The following SH3BP4 variants were observed in gnomAD, a reference collection of about 807,000 sequenced individuals.
SH3BP4 encodes the protein SH3 domain binding protein 4, also known as SH3 domain-binding protein 4.
A neutral mutation model predicts 65.5 loss-of-function variants in SH3BP4; 33 were observed. The ratio of observed to expected loss-of-function variants is 0.50; its 90% CI spans 0.38 to 0.67. SH3BP4 has a LOEUF of 0.67. Among genes scored for constraint, SH3BP4 ranks in the 30% least tolerant of loss-of-function variants. The probability of loss-of-function intolerance (pLI) is 0.00; values close to 1 mark genes in which losing one functional copy is unlikely to be tolerated. For missense variants in SH3BP4, 1,134 were observed against 1,261.4 expected (o/e 0.90, Z 1.53); for synonymous variants, 552 against 545.5 (o/e 1.01, Z -0.17).
At chr2:235,006,939 C>A (rs1325342995) in intron 2 of SH3BP4, among the ~76,000 whole-genome samples, 1 of 152,154 alleles carries the variant, frequency 6.6e-6, no homozygotes, top group African/African-American at 2.4e-5. Flanking sequence ...TGTCCTTAGA[C>A]AAGTTCATTC....
In SH3BP4 at chr2:234,995,294, G is replaced by C. The variant is rs951027417; in HGVS notation, c.-206-9G>C. 6.6e-6 allele frequency: 1 copy of C among 152,324 alleles called. No homozygotes were observed. Among genetic ancestry groups the C allele is most frequent in the Non-Finnish European group, 1.5e-5 (1 of 68,140 alleles). 9.4% of individuals were successfully genotyped at this position (152,324 alleles called of 1,614,324 possible). On this transcript the variant is annotated splice_polypyrimidine_tract_variant and intron_variant, in intron 1 of 5. Coordinates refer to ENST00000392011, the MANE Select transcript of SH3BP4 (RefSeq NM_014521.3). ...TGAAGCTCACTCGTGTTTCCTTCTT[G>C]TCTTGCAGCGTCTCCCTTCTCTCCT... is the stretch of plus-strand genomic sequence containing the variant.
At position 234,976,770 on chromosome 2, in the gene SH3BP4, G is replaced by A. The variant is rs114426876; in HGVS notation, c.-206-18533G>A. 0.038 allele frequency among the ~76,000 whole-genome samples: 5,841 copies of A among 152,300 alleles called. 128 individuals carry two copies. The highest frequency in any genetic ancestry group is 0.051 in the Middle Eastern group (15 of 294). On this transcript the variant is annotated intron_variant, in intron 1 of 5. Transcript: ENST00000392011. This position sits in a 1 kb window ranked among gnomAD's most constrained non-coding sequence, Gnocchi z 4.7. Reference sequence around the variant, plus strand: ...GGAGAAAAACCCCCAGCCGAGGGGCGTCTTACAGAATACCTAACCAGGCCT... The same window carrying A: ...GGAGAAAAACCCCCAGCCGAGGGGCATCTTACAGAATACCTAACCAGGCCT...
Position 235,034,326 on chromosome 2 carries a change from A to T in SH3BP4, c.-132-545A>T, listed in dbSNP as rs1482189587. Among the ~76,000 whole-genome samples the T allele has an allele frequency of 6.6e-6, 1 of 152,000 alleles. No individual in the cohort carries two copies. Among genetic ancestry groups the T allele is most frequent in the Admixed American group, 6.6e-5 (1 of 15,264 alleles). Reference sequence around the variant, plus strand: ...CTCTGTGTTGTGTTTAGAATTGTTTATTTGGGGTGCAGGGGGATTTCAGGA... The same window carrying T: ...CTCTGTGTTGTGTTTAGAATTGTTTTTTTGGGGTGCAGGGGGATTTCAGGA... On this transcript the variant is annotated intron_variant, in intron 2 of 5. Transcript: ENST00000392011. The surrounding 1 kb of genome is among the most constrained non-coding windows in gnomAD (Gnocchi z 6.2).
chr2:234,987,595 C>A lies in SH3BP4; in HGVS notation c.-206-7708C>A, dbSNP rs552012814. Among the ~76,000 whole-genome samples, 29 of 152,328 alleles carry A rather than the reference C, an allele frequency of 1.9e-4. No individual in the cohort carries two copies. In the South Asian group the frequency reaches 2.5e-3, roughly 13 times the overall value. On this transcript the variant is annotated intron_variant, in intron 1 of 5. Coordinates refer to ENST00000392011, the MANE Select transcript of SH3BP4 (RefSeq NM_014521.3). ...ACATGGGCGGCTCATGGTGTCCCCC[C>A]ACTTATTCATGCGAGAGAGTTCCGA...
intron 1 of SH3BP4, among the ~76,000 whole-genome samples, chr2:234,958,430 G>C (rs1053569844): frequency 6.6e-6 from 1 of 152,080 alleles, no homozygotes; most frequent in African/African-American, 2.4e-5. Flanking sequence ...GCCCTGGGGG[G>C]GTGTCTGGGG....
intron 1 of SH3BP4, among the ~76,000 whole-genome samples, chr2:234,965,005 G>A (rs545518326): frequency 4.6e-5 from 7 of 152,216 alleles, no homozygotes; most frequent in Non-Finnish European, 7.4e-5. Flanking sequence ...CAGTGCTCCC[G>A]TGACCCACAT....
chr2:234,975,445 G>A (rs1426318754), intron 1 of SH3BP4, among the ~76,000 whole-genome samples: 1 of 152,164 alleles, frequency 6.6e-6, no homozygotes, highest in Non-Finnish European at 1.5e-5. Flanking sequence ...ATCGTCTAAT[G>A]TGGCTTTAAC....
At chr2:235,027,071 C>A (rs779488326) in intron 2 of SH3BP4, among the ~76,000 whole-genome samples, 2 of 152,212 alleles carry the variant, frequency 1.3e-5, no homozygotes, top group Non-Finnish European at 2.9e-5. Flanking sequence ...GCTAAGGTGG[C>A]GGGAAAGGTT....
chr2:234,973,821 T>C (rs984653702), intron 1 of SH3BP4, among the ~76,000 whole-genome samples: 3 of 152,018 alleles, frequency 2.0e-5, no homozygotes, highest in African/African-American at 7.2e-5. Context: ...ACTGTTTTTG[T>C]AGAGAGTTTC....
At chr2:234,971,052 A>C (rs1224513948) in intron 1 of SH3BP4, among the ~76,000 whole-genome samples, 1 of 152,178 alleles carries the variant, frequency 6.6e-6, no homozygotes. Context: ...CATAATATAA[A>C]TGTTATCATC....
At position 234,952,369 on chromosome 2, in the gene SH3BP4, C is replaced by G. The variant is rs1366952947; in HGVS notation, c.-207+199C>G. Among the ~76,000 whole-genome samples the G allele has an allele frequency of 3.3e-5, 5 of 151,098 alleles. No individual in the cohort carries two copies. Among genetic ancestry groups the G allele is most frequent in the South Asian group, 4.1e-4 (2 of 4,830 alleles). On this transcript the variant is annotated intron_variant, in intron 1 of 5. Transcript: ENST00000392011. The surrounding 1 kb of genome is among the most constrained non-coding windows in gnomAD (Gnocchi z 6.5). ...GGCTTCGGGGAAGCCTCGCGCGCCC[C>G]TCGCCGCTCCCCCGGGCGCTCGGGT...
rs1368935144 is a variant in SH3BP4, at chr2:235,041,925, G to C, written c.1156G>C (p.Glu386Gln). ...GCTGGAGGTCAAGCTGAGCAACCTGGAGGTGAAAACCTCTATCATCTTGGA... is the reference window on the plus strand; with the variant it reads ...GCTGGAGGTCAAGCTGAGCAACCTGCAGGTGAAAACCTCTATCATCTTGGA... ...PVLEVKLSNL[E>Q]VKTSIILEMK... The change falls in exon 4 of 6, where the codon GAG (glutamate) becomes CAG (glutamine). Residue 386 changes from glutamate to glutamine, a missense_variant. Glu to Gln is a conservative substitution (Grantham distance 29, BLOSUM62 2). Coordinates refer to ENST00000392011, the MANE Select transcript of SH3BP4 (RefSeq NM_014521.3). This position sits in a 1 kb window ranked among gnomAD's most constrained non-coding sequence, Gnocchi z 6.0. 6 of 1,613,500 alleles carry C rather than the reference G, an allele frequency of 3.7e-6. No individual in the cohort carries two copies. Among genetic ancestry groups the C allele is most frequent in the Non-Finnish European group, 5.1e-6 (6 of 1,179,788 alleles).
In SH3BP4 at chr2:235,042,909, G is replaced by A. The variant is rs763161380; in HGVS notation, c.2140G>A (p.Val714Met). The A allele has an allele frequency of 4.3e-6, 7 of 1,613,322 alleles. No homozygotes were observed. The highest frequency in any genetic ancestry group is 3.3e-5 in the Admixed American group (2 of 60,018). The change falls in exon 4 of 6, where the codon GTG (valine) becomes ATG (methionine). Residue 714 changes from valine to methionine, a missense_variant. Physicochemically the swap from Val to Met is conservative, Grantham distance 21. Transcript: ENST00000392011. The surrounding 1 kb of genome is among the most constrained non-coding windows in gnomAD (Gnocchi z 7.3). ...IGYYQGRVGL[V>M]HTKNVLVVGR... Reference sequence around the variant, plus strand: ...CTACTACCAGGGCAGGGTGGGCCTCGTGCACACCAAGAACGTGCTGGTGGT... The same window carrying A: ...CTACTACCAGGGCAGGGTGGGCCTCATGCACACCAAGAACGTGCTGGTGGT...
At chr2:235,020,976 A>C (rs1288309814) in intron 2 of SH3BP4, among the ~76,000 whole-genome samples, 6 of 152,154 alleles carry the variant, frequency 3.9e-5, no homozygotes, top group Non-Finnish European at 5.9e-5. Context: ...TATTTTTTAT[A>C]AATACATTTT....
intron 3 of SH3BP4, among the ~76,000 whole-genome samples, chr2:235,038,724 C>T (rs1248916096): frequency 6.6e-6 from 1 of 151,816 alleles, no homozygotes; most frequent in Non-Finnish European, 1.5e-5. Flanking sequence ...GCTCTGTCCC[C>T]CACATATAGG....
chr2:234,998,559 G>A (rs756062757), intron 2 of SH3BP4, among the ~76,000 whole-genome samples: 19 of 152,214 alleles, frequency 1.2e-4, no homozygotes, highest in Non-Finnish European at 2.5e-4. Flanking sequence ...TTGTTTGTTG[G>A]TTTTGGTTTC....
intron 1 of SH3BP4, among the ~76,000 whole-genome samples, chr2:234,953,967 G>C (rs1039190383): frequency 9.9e-5 from 15 of 151,708 alleles, no homozygotes; most frequent in African/African-American, 3.6e-4. Flanking sequence ...ATTTAGGCGG[G>C]ACCCCAGATT....
intron 1 of SH3BP4, among the ~76,000 whole-genome samples, chr2:234,985,010 G>A (rs1449419431): frequency 6.6e-6 from 1 of 152,208 alleles, no homozygotes; most frequent in Non-Finnish European, 1.5e-5. Flanking sequence ...TGGAGGCCAG[G>A]AGGCGGGGGC....
At chr2:235,039,974 C>T (rs1362421658) in intron 3 of SH3BP4, among the ~76,000 whole-genome samples, 1 of 152,206 alleles carries the variant, frequency 6.6e-6, no homozygotes, top group African/African-American at 2.4e-5. Context: ...GTGGCTCACA[C>T]CAGTAATCCC....
Sources: allele counts gnomAD v4.1 joint callset (sites outside exome capture counted in the v4.1 genomes callset), GRCh38; gene constraint gnomAD v4.1.1; non-coding constraint Gnocchi (gnomAD v3.1); transcripts MANE v1.5; gene names NCBI Gene and HGNC (gene_info 2026-07-23, HGNC 2026-07-21).